The following CRCP variants were observed in gnomAD, a reference collection of about 807,000 sequenced individuals.
The protein encoded by CRCP is CGRP receptor component.
CRCP carries 18 observed loss-of-function variants against 18.5 expected under a neutral mutation model. The ratio of observed to expected loss-of-function variants is 0.97; its 90% CI spans 0.67 to 1.44. The LOEUF (loss-of-function observed/expected upper bound fraction) is 1.44. Ranked by LOEUF, CRCP falls within the 40% of genes most tolerant of loss-of-function variation. The probability of loss-of-function intolerance (pLI) is 0.00; values close to 1 mark genes in which losing one functional copy is unlikely to be tolerated. For missense variants in CRCP, 130 were observed against 176.4 expected, an observed-to-expected ratio of 0.74 and a Z score of 1.49; for synonymous variants, 53 against 62.9, an observed-to-expected ratio of 0.84 and a Z score of 0.75.
rs780060224 is a variant in CRCP, at chr7:66,115,386, G to T, written c.8+416G>T. On this transcript the variant is annotated intron_variant, in intron 1 of 5. Coordinates refer to ENST00000395326, the MANE Select transcript of CRCP (RefSeq NM_014478.5). ...GAGAGACGAATCAGGGCCGGGTAGAGCTCTGCTTGCAGCTGTAGGCCCCTG... is the reference window on the plus strand; with the variant it reads ...GAGAGACGAATCAGGGCCGGGTAGATCTCTGCTTGCAGCTGTAGGCCCCTG... Among the ~76,000 whole-genome samples, 194 of 152,170 alleles carry T rather than the reference G, an allele frequency of 1.3e-3. 4 individuals are homozygous for T. The highest frequency in any genetic ancestry group is 4.9e-4 in the Non-Finnish European group (33 of 68,040).
chr7:66,132,652 A>G (rs1028670983), intron 3 of CRCP, among the ~76,000 whole-genome samples: 4 of 152,170 alleles, frequency 2.6e-5, no homozygotes, highest in Non-Finnish European at 5.9e-5. Flanking sequence ...GTGGTGGCTC[A>G]CACTTGTAAT....
chr7:66,126,211 G>T (rs1023862804), intron 1 of CRCP, among the ~76,000 whole-genome samples: 3 of 149,150 alleles, frequency 2.0e-5, no homozygotes, highest in African/African-American at 7.3e-5. Context: ...ACCTAAGGCC[G>T]AGGTCTATCT....
chr7:66,145,639 A>C, intron 5 of CRCP, 139 bp downstream of exon 5: 1 of 800,286 alleles, frequency 1.2e-6, no homozygotes. Flanking sequence ...AGACCTTGCC[A>C]GTTTGATCCT....
At chr7:66,137,152 C>CTTCTA (rs1787996242) in intron 4 of CRCP, among the ~76,000 whole-genome samples, 2 of 152,020 alleles carry the variant, frequency 1.3e-5, no homozygotes, top group South Asian at 4.2e-4. Flanking sequence ...AATACTGAAC[C>CTTCTA]TTCTAGTCCA....
chr7:66,130,164 G>T, intron 2 of CRCP: 1 of 256,394 alleles, frequency 3.9e-6, no homozygotes, highest in South Asian at 3.1e-5. Context: ...GGAGTACAGT[G>T]GCACCATCCA....
At position 66,115,102 on chromosome 7, in the gene CRCP, G is replaced by C. The variant is rs746930881; in HGVS notation, c.8+132G>C. On this transcript the variant is annotated intron_variant, in intron 1 of 5. Transcript: ENST00000395326. ...TGAGGGCAGCGGGCCGGCCCTGTCC[G>C]GGAGGGCCGCGGGGTGGTGACGGGG... is the stretch of plus-strand genomic sequence containing the variant. 6.0e-6 allele frequency: 8 copies of C among 1,332,798 alleles called. No homozygotes were observed. The Admixed American group carries it at 7.1e-5, about 12-fold the overall frequency. The allele number at this position is 1,332,798 out of a possible 1,614,324, so 82.6% of individuals were successfully genotyped here.
At chr7:66,126,650 ACAAGTAC>A (rs1787626008) in intron 1 of CRCP, 2 of 430,968 alleles carry the variant, frequency 4.6e-6, no homozygotes, top group South Asian at 3.3e-5. Context: ...AGATGTTAAT[ACAAGTAC>A]CAAGAACTAT....
chr7:66,114,980 C>T lies in CRCP; in HGVS notation c.8+10C>T, dbSNP rs751547429. 1 of 1,608,554 alleles carries T rather than the reference C, an allele frequency of 6.2e-7. No homozygotes were observed. Among genetic ancestry groups the T allele is most frequent in the Non-Finnish European group, 8.5e-7 (1 of 1,175,682 alleles). ...GGGACGTCATGGAAGTGTAAGTCTT[C>T]TCGGGCGCGTCCCTTTTCGCCCGAG... On this transcript the variant is annotated intron_variant, in intron 1 of 5. Coordinates refer to ENST00000395326, the MANE Select transcript of CRCP (RefSeq NM_014478.5).
At chr7:66,137,388 G>A (rs1282453795) in intron 4 of CRCP, among the ~76,000 whole-genome samples, 2 of 151,944 alleles carry the variant, frequency 1.3e-5, no homozygotes, top group Non-Finnish European at 2.9e-5. Flanking sequence ...GCAGAAAGTC[G>A]TGGTATTTGC....
chr7:66,138,851 A>G (rs570871365), intron 4 of CRCP, among the ~76,000 whole-genome samples: 5 of 144,464 alleles, frequency 3.5e-5, no homozygotes, highest in Non-Finnish European at 6.0e-5. Context: ...TTGGTCTTCA[A>G]TAATTTGATA....
intron 1 of CRCP, chr7:66,126,656 AC>A (rs775033403): frequency 9.3e-6 from 4 of 431,374 alleles, no homozygotes; most frequent in African/African-American, 2.0e-5. Context: ...TAATACAAGT[AC>A]CAAGAACTAT....
chr7:66,135,914 T>G (rs1787959091), intron 4 of CRCP, among the ~76,000 whole-genome samples: 1 of 150,430 alleles, frequency 6.6e-6, no homozygotes, highest in Non-Finnish European at 1.5e-5. Flanking sequence ...AGAGCAAAAC[T>G]CTGTCTCAAA....
chr7:66,129,940 T>C (rs1390583524), intron 2 of CRCP, among the ~76,000 whole-genome samples: 7 of 151,984 alleles, frequency 4.6e-5, no homozygotes, highest in Admixed American at 1.3e-4. Flanking sequence ...CTAATACATG[T>C]ATGTTTTATC....
chr7:66,114,897 C>A lies in CRCP; in HGVS notation c.-66C>A. The A allele has an allele frequency of 1.2e-6, 2 of 1,609,032 alleles. No individual in the cohort carries two copies. Among genetic ancestry groups the A allele is most frequent in the Non-Finnish European group, 1.7e-6 (2 of 1,176,132 alleles). ...GGCACCTTGGCGCTGTTGGTGGCGG[C>A]GGAGACAGCTGTGAAGTGTGAGGTT... On this transcript the variant is annotated 5_prime_UTR_variant, in exon 1 of 6. Coordinates refer to ENST00000395326, the MANE Select transcript of CRCP (RefSeq NM_014478.5).
intron 5 of CRCP, 113 bp from the exon 6 acceptor site, chr7:66,152,095 C>A (rs1195960983): frequency 3.4e-6 from 4 of 1,172,008 alleles, no homozygotes; most frequent in Non-Finnish European, 4.9e-6. Context: ...AGGACCCAGG[C>A]TGTGAGGTCT....
intron 1 of CRCP, among the ~76,000 whole-genome samples, chr7:66,127,172 T>C (rs913546595): frequency 6.6e-6 from 1 of 152,224 alleles, no homozygotes; most frequent in African/African-American, 2.4e-5. Context: ...GGATCGATTG[T>C]GATTTAATAT....
chr7:66,134,402 C>T (rs368764210), intron 4 of CRCP, 28 bp downstream of exon 4: 67 of 1,416,638 alleles, frequency 4.7e-5, no homozygotes, highest in African/African-American at 1.2e-4. Context: ...GTAGGAAGAG[C>T]GTGACACATG....
intron 5 of CRCP, among the ~76,000 whole-genome samples, chr7:66,149,602 G>A (rs964766626): frequency 2.6e-5 from 4 of 152,104 alleles, no homozygotes; most frequent in Admixed American, 6.6e-5. Context: ...ACTAACGGCC[G>A]GAGCTTTTAT....
chr7:66,135,476 G>A (rs11560207), intron 4 of CRCP, among the ~76,000 whole-genome samples: 2,452 of 152,122 alleles, frequency 0.016, 62 homozygotes, highest in East Asian at 0.093. Flanking sequence ...GGTTTGAATG[G>A]GTAAATGCAG....
Sources: gnomAD v4.1 joint callset for allele counts (sites outside exome capture counted in the v4.1 genomes callset) on GRCh38, gnomAD v4.1.1 for gene constraint, MANE v1.5 for transcripts, NCBI Gene and HGNC (gene_info 2026-07-23, HGNC 2026-07-21) for gene names.